TECPR2: variants seen among roughly 807,000 people sequenced by gnomAD.
TECPR2 encodes the protein tectonin beta-propeller repeat-containing protein 2.
Under a neutral mutation model 138.1 loss-of-function variants are expected in TECPR2, and 65 were observed. The ratio of observed to expected loss-of-function variants is 0.47; its 90% CI spans 0.39 to 0.58. The LOEUF (loss-of-function observed/expected upper bound fraction) is 0.58, where lower values mean the gene tolerates loss of function less well. Among genes scored for constraint, TECPR2 ranks in the 20% least tolerant of loss-of-function variants. TECPR2 has a pLI of 0.00. For missense variants in TECPR2, 1,553 were observed against 1,824.5 expected (o/e 0.85, Z 2.71); for synonymous variants, 746 against 749.8 (o/e 0.99, Z 0.08).
chr14:102,372,542 C>T (rs1567312838), intron 1 of TECPR2, among the ~76,000 whole-genome samples: 1 of 152,186 alleles, frequency 6.6e-6, no homozygotes. Context: ...CTGGGGTTTA[C>T]AGGTGTGAGA....
chr14:102,434,622 G>A lies in TECPR2; in HGVS notation c.1805G>A (p.Cys602Tyr), dbSNP rs748324607. 6.3e-6 allele frequency: 10 copies of A among 1,587,798 alleles called. No homozygotes were observed. The Admixed American group carries it at 1.5e-4, about 24-fold the overall frequency. Residue 602 changes from cysteine to tyrosine, a missense_variant, in exon 9 of 20, where the codon TGT becomes TAT. Cys to Tyr is a radical substitution (Grantham distance 194). Coordinates refer to ENST00000359520, the MANE Select transcript of TECPR2 (RefSeq NM_014844.5). The part of the protein sequence containing the change: ...SDVTGLGDEP[C>Y]PADDGPNSTQ... ...GTCACGGGACTCGGAGATGAGCCGT[G>A]TCCTGCAGATGATGGACCAAATAGC...
intron 17 of TECPR2, among the ~76,000 whole-genome samples, chr14:102,488,903 T>C (rs1235229568): frequency 1.3e-5 from 2 of 151,738 alleles, no homozygotes; most frequent in African/African-American, 4.8e-5. Context: ...TTTTTTGAGA[T>C]GGAGTTTTGC....
At chr14:102,465,399 G>A (rs1890531951) in intron 17 of TECPR2, 110 bp downstream of exon 17, 1 of 1,475,668 alleles carries the variant, frequency 6.8e-7, no homozygotes, top group South Asian at 1.4e-5. Flanking sequence ...CCCAGCAAAT[G>A]CGGGGAGCCA....
chr14:102,441,402 T>G (rs1889826556), intron 11 of TECPR2, among the ~76,000 whole-genome samples: 2 of 146,176 alleles, frequency 1.4e-5, no homozygotes, highest in Non-Finnish European at 3.0e-5. Flanking sequence ...TCAGGCCAGG[T>G]GTGGTGGCTC....
intron 17 of TECPR2, among the ~76,000 whole-genome samples, chr14:102,495,139 G>A (rs1008608724): frequency 6.6e-6 from 1 of 152,138 alleles, no homozygotes; most frequent in African/African-American, 2.4e-5. Context: ...ACTTGAGCCA[G>A]GGAGATGGAG....
chr14:102,380,276 TAGCC>T (rs1407898316), intron 2 of TECPR2, among the ~76,000 whole-genome samples: 2 of 152,302 alleles, frequency 1.3e-5, no homozygotes, highest in East Asian at 3.9e-4. Context: ...ATCTTAAAAA[TAGCC>T]AGAGAACAAT....
chr14:102,468,253 T>C (rs1187742747), intron 17 of TECPR2, among the ~76,000 whole-genome samples: 1 of 152,234 alleles, frequency 6.6e-6, no homozygotes, highest in Non-Finnish European at 1.5e-5. Context: ...AGTGGCATGA[T>C]CTCAGCTCAC....
intron 17 of TECPR2, among the ~76,000 whole-genome samples, chr14:102,473,543 C>A (rs1398862785): frequency 2.6e-5 from 4 of 152,206 alleles, no homozygotes; most frequent in Non-Finnish European, 4.4e-5. Flanking sequence ...GATAGATGCT[C>A]AAGGGCACAT....
At chr14:102,398,712 G>A (rs181081188) in intron 2 of TECPR2, among the ~76,000 whole-genome samples, 4 of 152,026 alleles carry the variant, frequency 2.6e-5, no homozygotes, top group East Asian at 1.9e-4. Context: ...AAAATTAGCC[G>A]GGCGAGGTGG....
At chr14:102,382,228 G>A (rs771595011) in intron 2 of TECPR2, among the ~76,000 whole-genome samples, 2 of 152,030 alleles carry the variant, frequency 1.3e-5, no homozygotes, top group Admixed American at 6.6e-5. Flanking sequence ...AGGAGGCAGA[G>A]GTTGCAGTGA....
rs537009366 is a variant in TECPR2 at position 102,408,794 on chromosome 14, A to G, written c.480+175A>G. 1.7e-4 allele frequency among the ~76,000 whole-genome samples: 26 copies of G among 152,314 alleles called. No individual in the cohort carries two copies. In the South Asian group the frequency reaches 5.2e-3, roughly 30 times the overall value. On this transcript the variant is annotated intron_variant, in intron 4 of 19. Transcript: ENST00000359520. ...TTATGTTTTATAAGCTTCCACTTCT[A>G]TGACTAAGGAGTTGGCCTACTGGAA... is the stretch of plus-strand genomic sequence containing the variant.
Position 102,419,347 on chromosome 14 carries a change from T to A in TECPR2, c.638+4554T>A, listed in dbSNP as rs1010745261. Among the ~76,000 whole-genome samples the A allele has an allele frequency of 6.6e-6, 1 of 151,278 alleles. No individual in the cohort carries two copies. Among genetic ancestry groups the A allele is most frequent in the Non-Finnish European group, 1.5e-5 (1 of 67,812 alleles). On this transcript the variant is annotated intron_variant, in intron 5 of 19. Coordinates refer to ENST00000359520, the MANE Select transcript of TECPR2 (RefSeq NM_014844.5). The surrounding 1 kb of genome is among the most constrained non-coding windows in gnomAD (Gnocchi z 4.8). ...GAGTATGGAGAGCTTTTAGGAGGAG[T>A]GTTTTTGTAGAAGAGAACAAAGAAA...
chr14:102,429,411 G>A (rs538573878), intron 7 of TECPR2, among the ~76,000 whole-genome samples: 3 of 152,240 alleles, frequency 2.0e-5, no homozygotes, highest in South Asian at 4.1e-4. Flanking sequence ...GGGACATACC[G>A]TTTACCCTTA....
intron 3 of TECPR2, among the ~76,000 whole-genome samples, chr14:102,407,971 T>C (rs1230168846): frequency 6.7e-6 from 1 of 149,620 alleles, no homozygotes; most frequent in African/African-American, 2.5e-5. Context: ...CACTCCAGCC[T>C]GGGCGACAGA....
chr14:102,430,703 C>T (rs759699429), intron 7 of TECPR2, among the ~76,000 whole-genome samples: 6 of 152,184 alleles, frequency 3.9e-5, no homozygotes, highest in Non-Finnish European at 8.8e-5. Flanking sequence ...GGGAAGCTCA[C>T]TGGCCCTTGG....
intron 2 of TECPR2, among the ~76,000 whole-genome samples, chr14:102,406,727 G>T (rs896170741): frequency 6.6e-6 from 1 of 152,158 alleles, no homozygotes; most frequent in Non-Finnish European, 1.5e-5. Context: ...TGGGGCACAC[G>T]TCTGTAGTCC....
Position 102,498,806 on chromosome 14 carries a change from G to T in TECPR2, c.*549G>T. The T allele has an allele frequency of 5.4e-6, 3 of 556,358 alleles. No homozygotes were observed. Among genetic ancestry groups the T allele is most frequent in the Non-Finnish European group, 1.0e-5 (3 of 290,328 alleles). The allele number at this position is 556,358 out of a possible 1,614,324, so 34.5% of individuals were successfully genotyped here. A position where few individuals can be genotyped will look rare whatever the true frequency, so the allele number is the denominator to read the frequency against. On this transcript the variant is annotated 3_prime_UTR_variant, in exon 20 of 20. Coordinates refer to ENST00000359520, the MANE Select transcript of TECPR2 (RefSeq NM_014844.5). ...ACGCTCTGGCCAGGAAGCTGAGGCCGGGCTTGAGAGGAGAGCGCTGGCCAT... is the reference window on the plus strand; with the variant it reads ...ACGCTCTGGCCAGGAAGCTGAGGCCTGGCTTGAGAGGAGAGCGCTGGCCAT...
chr14:102,435,150 G>T lies in TECPR2; in HGVS notation c.2333G>T (p.Cys778Phe). ...ETSVTELGPSCSQQDLSRLGA... is the reference protein window; with the variant it reads ...ETSVTELGPSFSQQDLSRLGA... ...AGTGTGACAGAGCTCGGACCTAGTT[G>T]CTCCCAGCAGGACCTGAGCCGGCTG... is the stretch of plus-strand genomic sequence containing the variant. The change falls in exon 9 of 20, where the codon TGC becomes TTC. Residue 778 changes from cysteine to phenylalanine, a missense_variant. Coordinates refer to ENST00000359520, the MANE Select transcript of TECPR2 (RefSeq NM_014844.5). The T allele has an allele frequency of 6.2e-7, 1 of 1,613,246 alleles. No individual in the cohort carries two copies. Among genetic ancestry groups the T allele is most frequent in the Non-Finnish European group, 8.5e-7 (1 of 1,180,022 alleles).
intron 1 of TECPR2, among the ~76,000 whole-genome samples, chr14:102,370,669 C>G (rs1887480710): frequency 6.6e-6 from 1 of 152,204 alleles, no homozygotes. Context: ...ATGGGGACCA[C>G]TGCAGAGTGT....
Sources: gnomAD v4.1 joint callset for allele counts (sites outside exome capture counted in the v4.1 genomes callset) on GRCh38, gnomAD v4.1.1 for gene constraint, Gnocchi (gnomAD v3.1) non-coding constraint, MANE v1.5 for transcripts, NCBI Gene and HGNC (gene_info 2026-07-23, HGNC 2026-07-21) for gene names.